Variants in HERC2 observed in about 807,000 individuals in gnomAD.
The protein encoded by HERC2 is HECT and RLD domain containing E3 ubiquitin protein ligase 2, also known as E3 ubiquitin-protein ligase HERC2.
In HERC2, 102 loss-of-function variants were observed where a neutral mutation model predicts 537.7. The observed-to-expected ratio is 0.19, with a 90% confidence interval of 0.16 to 0.22. The LOEUF is 0.22. HERC2 is among the 10% of genes least tolerant of loss of function. The pLI is 1.00. For synonymous variants in HERC2, 2,224 were observed against 2,466.2 expected (o/e 0.90, Z 2.91); for missense variants, 4,236 against 6,198.2 (o/e 0.68, Z 10.63).
Position 28,202,355 on chromosome 15 carries a change from C to G in HERC2, c.7472G>C (p.Ser2491Thr), listed in dbSNP as rs762836316. ...CCAGGAAAACGAAGTACCAGGCAAG[C>G]TGGATGCATTCCCGGAAGCACCAGT... ...SLTGASGNAS[S>T]LPGVEALVGW... The change falls in exon 46 of 93, where the codon AGC becomes ACC. Residue 2491 changes from serine to threonine, a missense_variant. Around this residue, in one of 27 missense-constraint regions of HERC2, gnomAD observed 606 missense variants for 884.5 expected, o/e 0.69. Coordinates refer to ENST00000261609, the MANE Select transcript of HERC2 (RefSeq NM_004667.6). 5 of 1,613,882 alleles carry G rather than the reference C, an allele frequency of 3.1e-6. No individual in the cohort carries two copies. The highest frequency in any genetic ancestry group is 1.3e-5 in the African/African-American group (1 of 75,038).
chr15:28,141,724 T>C lies in HERC2; in HGVS notation c.11816+7A>G, dbSNP rs1020087851. ...TCGACATTACTGCTTGTTTCTAATA[T>C]AATAACCTGTTCATCCACTGCACAA... On this transcript the variant is annotated splice_region_variant and intron_variant, in intron 77 of 92. Transcript: ENST00000261609. 10 of 1,612,782 alleles carry C rather than the reference T, an allele frequency of 6.2e-6. No homozygotes were observed. The highest frequency in any genetic ancestry group is 8.5e-6 in the Non-Finnish European group (10 of 1,178,750).
At chr15:28,194,287 G>C (rs1231717530) in intron 52 of HERC2, among the ~76,000 whole-genome samples, 2 of 144,848 alleles carry the variant, frequency 1.4e-5, no homozygotes. Flanking sequence ...GGATGGTCTC[G>C]ATCTCCTGAC....
chr15:28,233,111 C>G (rs766138348), intron 30 of HERC2, 35 bp downstream of exon 30: 1 of 1,540,632 alleles, frequency 6.5e-7, no homozygotes, highest in East Asian at 2.2e-5. Flanking sequence ...GAAGCACAAG[C>G]TTTAATAGTA....
In HERC2 at chr15:28,179,709, C is replaced by T. The variant is rs551313189; in HGVS notation, c.8938-486G>A. 2.0e-5 allele frequency among the ~76,000 whole-genome samples: 3 copies of T among 152,344 alleles called. No homozygotes were observed. In the East Asian group the frequency reaches 5.8e-4, roughly 29 times the overall value. Reference sequence around the variant, plus strand: ...TGCTGTCACAGGAAAGGACAGCTAGCTCCTTTGTGGGGGTGAAAGAGAGCA... The same window carrying T: ...TGCTGTCACAGGAAAGGACAGCTAGTTCCTTTGTGGGGGTGAAAGAGAGCA... On this transcript the variant is annotated intron_variant, in intron 57 of 92. Transcript: ENST00000261609.
Position 28,273,000 on chromosome 15 carries a change from C to T in HERC2, c.805G>A (p.Val269Ile). ...RFLRSVVTGDVHGTPATKGPG... is the reference protein window; with the variant it reads ...RFLRSVVTGDIHGTPATKGPG... ...CCTTTGGTGGCTGGCGTTCCGTGAA[C>T]ATCCCTGAAATGAAAGCAGTGGATG... is the stretch of plus-strand genomic sequence containing the variant. The change falls in exon 8 of 93, where the codon GTT becomes ATT. Residue 269 changes from valine (V) to isoleucine (I), a missense_variant. By Grantham distance (29) the Val-to-Ile change is conservative. Coordinates refer to ENST00000261609, the MANE Select transcript of HERC2 (RefSeq NM_004667.6). The T allele has an allele frequency of 6.2e-7, 1 of 1,612,028 alleles. No individual in the cohort carries two copies. The highest frequency in any genetic ancestry group is 8.5e-7 in the Non-Finnish European group (1 of 1,179,680).
At chr15:28,165,623 T>C (rs1397153602) in intron 68 of HERC2, among the ~76,000 whole-genome samples, 1 of 149,742 alleles carries the variant, frequency 6.7e-6, no homozygotes, top group East Asian at 2.0e-4. Flanking sequence ...AAAACCTATC[T>C]CTGAAAAAAA....
intron 57 of HERC2, among the ~76,000 whole-genome samples, chr15:28,181,086 A>G (rs1895774956): frequency 6.6e-6 from 1 of 152,202 alleles, no homozygotes; most frequent in African/African-American, 2.4e-5. Flanking sequence ...TCTGACTCTG[A>G]CATCTCTAAG....
intron 81 of HERC2, 152 bp downstream of exon 81, chr15:28,131,948 G>A: frequency 1.7e-6 from 1 of 584,438 alleles, no homozygotes; most frequent in Non-Finnish European, 3.0e-6. Flanking sequence ...ATATTTACTG[G>A]AACGAAGGTA....
chr15:28,299,631 T>C, intron 2 of HERC2, 115 bp from the exon 3 acceptor site: 1 of 623,966 alleles, frequency 1.6e-6, no homozygotes. Flanking sequence ...CATTTGGTAA[T>C]AAAATCAATG....
chr15:28,217,658 G>A (rs1900080145), intron 38 of HERC2, among the ~76,000 whole-genome samples: 2 of 152,216 alleles, frequency 1.3e-5, no homozygotes, highest in South Asian at 2.1e-4. Context: ...CTCAGAATAT[G>A]ATCTTATTTA....
intron 23 of HERC2, among the ~76,000 whole-genome samples, chr15:28,244,860 A>G (rs537336840): frequency 3.3e-5 from 5 of 152,320 alleles, no homozygotes; most frequent in Admixed American, 2.0e-4. Flanking sequence ...ACGAGAAGAA[A>G]AAAAGCCCAT....
At chr15:28,285,715 G>A (rs1596391056) in intron 4 of HERC2, among the ~76,000 whole-genome samples, 1 of 133,406 alleles carries the variant, frequency 7.5e-6, no homozygotes, top group Non-Finnish European at 1.6e-5. Context: ...GAAACAAAGT[G>A]AAAACAGAAA....
Position 28,179,015 on chromosome 15 carries a change from T to A in HERC2, c.9035A>T (p.Lys3012Met). The A allele has an allele frequency of 6.2e-7, 1 of 1,613,978 alleles. No homozygotes were observed. Among genetic ancestry groups the A allele is most frequent in the Non-Finnish European group, 8.5e-7 (1 of 1,179,870 alleles). The change falls in exon 59 of 93, where the codon AAG becomes ATG. Residue 3012 changes from lysine to methionine, a missense_variant. Coordinates refer to ENST00000261609, the MANE Select transcript of HERC2 (RefSeq NM_004667.6). ...KSLFAVTVEG[K>M]VYACGEATNG... is the part of the protein sequence containing the mutation. ...CGTGGCTTCTCCACAGGCATACACC[T>A]TCCCTTCCACAGTCACTGCAAGGAA...
intron 52 of HERC2, among the ~76,000 whole-genome samples, chr15:28,195,336 C>T (rs1423944452): frequency 6.6e-6 from 1 of 151,936 alleles, no homozygotes; most frequent in Non-Finnish European, 1.5e-5. Context: ...TGGCTCAGGC[C>T]TGTAATCCCA....
In HERC2 at chr15:28,293,584, C is replaced by T. The variant is rs539292232; in HGVS notation, c.188-562G>A. 5.3e-4 allele frequency among the ~76,000 whole-genome samples: 80 copies of T among 151,956 alleles called. No homozygotes were observed. The East Asian group carries it at 0.01, about 19-fold the overall frequency. On this transcript the variant is annotated intron_variant, in intron 3 of 92. Transcript: ENST00000261609. Reference sequence around the variant, plus strand: ...TCCATCTACTTCCTAGTACATTTCTCAACTGAGAAACTTAAGTCTTTGATA... The same window carrying T: ...TCCATCTACTTCCTAGTACATTTCTTAACTGAGAAACTTAAGTCTTTGATA...
At chr15:28,299,581 G>T (rs891942553) in intron 2 of HERC2, 65 bp from the exon 3 acceptor site, 16 of 817,778 alleles carry the variant, frequency 2.0e-5, no homozygotes, top group African/African-American at 1.9e-4. Flanking sequence ...TTTAAAGAAT[G>T]ATATGGGAAA....
intron 15 of HERC2, among the ~76,000 whole-genome samples, chr15:28,262,562 A>G (rs1342794590): frequency 6.6e-6 from 1 of 152,230 alleles, no homozygotes; most frequent in Non-Finnish European, 1.5e-5. Context: ...ATGCACACTC[A>G]TGGTCTCAGT....
rs1421685786 is a variant in HERC2, at chr15:28,311,326, G to A, written c.72+10036C>T. Reference sequence around the variant, plus strand: ...CAAAAAATACAAAAATTAACCAGGCGTGGTGGTACGCACCTGTAGTCCCAC... The same window carrying A: ...CAAAAAATACAAAAATTAACCAGGCATGGTGGTACGCACCTGTAGTCCCAC... On this transcript the variant is annotated intron_variant, in intron 2 of 92. Coordinates refer to ENST00000261609, the MANE Select transcript of HERC2 (RefSeq NM_004667.6). Among the ~76,000 whole-genome samples, 5 of 152,244 alleles carry A rather than the reference G, an allele frequency of 3.3e-5. No individual in the cohort carries two copies. In the East Asian group the frequency reaches 9.6e-4, roughly 29 times the overall value.
chr15:28,280,323 A>G (rs769060436), intron 4 of HERC2, 36 bp from the exon 5 acceptor site: 5 of 1,497,892 alleles, frequency 3.3e-6, no homozygotes, highest in Non-Finnish European at 4.6e-6. Context: ...TCACCTGTGG[A>G]CAATGTGGCC....
Sources: gnomAD v4.1 joint callset for allele counts (sites outside exome capture counted in the v4.1 genomes callset) on GRCh38, gnomAD v4.1.1 for gene constraint, gnomAD v4.1.1 regional missense constraint, MANE v1.5 for transcripts, NCBI Gene and HGNC (gene_info 2026-07-23, HGNC 2026-07-21) for gene names.